Variants in PARD3B observed in about 807,000 individuals in gnomAD.
The protein encoded by PARD3B is par-3 family cell polarity regulator beta, also known as partitioning defective 3 homolog B.
A neutral mutation model predicts 130.2 loss-of-function variants in PARD3B; 103 were observed. The ratio of observed to expected loss-of-function variants is 0.79; its 90% confidence interval spans 0.67 to 0.93. The LOEUF is 0.93. PARD3B is among the 40% of genes least tolerant of loss of function. The pLI is 0.00. For missense variants in PARD3B, 1,609 were observed against 1,499.2 expected, an observed-to-expected ratio of 1.07 and a Z score of -1.21; for synonymous variants, 583 against 553.2, an observed-to-expected ratio of 1.05 and a Z score of -0.76.
chr2:204,863,876 A>G (rs967946289), intron 2 of PARD3B, among the ~76,000 whole-genome samples: 2 of 152,312 alleles, frequency 1.3e-5, no homozygotes, highest in Middle Eastern at 3.4e-3. Flanking sequence ...GAACACATCT[A>G]CAAGAGCAAG....
At chr2:205,180,917 A>G (rs1188399879) in intron 13 of PARD3B, among the ~76,000 whole-genome samples, 3 of 152,138 alleles carry the variant, frequency 2.0e-5, no homozygotes, top group East Asian at 1.9e-4. Context: ...TTGAATGGTA[A>G]TGAAATGCAC....
intron 2 of PARD3B, among the ~76,000 whole-genome samples, chr2:204,886,217 T>C (rs968017334): frequency 6.6e-6 from 1 of 152,220 alleles, no homozygotes; most frequent in African/African-American, 2.4e-5. Context: ...ATCTACCGAA[T>C]GGGATATGAG....
At chr2:204,792,259 A>C (rs2042227126) in intron 2 of PARD3B, among the ~76,000 whole-genome samples, 1 of 152,176 alleles carries the variant, frequency 6.6e-6, no homozygotes, top group Non-Finnish European at 1.5e-5. Flanking sequence ...TTATGGGTAA[A>C]AGCACAAATA....
intron 10 of PARD3B, among the ~76,000 whole-genome samples, chr2:205,155,825 T>G (rs891691510): frequency 6.6e-6 from 1 of 152,210 alleles, no homozygotes; most frequent in Non-Finnish European, 1.5e-5. Context: ...TCATGTGTTT[T>G]TTGGCTGCAT....
In PARD3B at chr2:205,187,017, G is replaced by A. The variant is rs369573322; in HGVS notation, c.2024+1154G>A. ...CAGATATAAACCCTGTCTTCAGGAA[G>A]CTGGTAGGCTGACAGGTAGGCTCAT... On this transcript the variant is annotated intron_variant, in intron 14 of 22. Transcript: ENST00000406610. The surrounding 1 kb of genome is among the most constrained non-coding windows in gnomAD (Gnocchi z 4.9). Among the ~76,000 whole-genome samples the A allele has an allele frequency of 1.3e-5, 2 of 152,156 alleles. No homozygotes were observed. Among genetic ancestry groups the A allele is most frequent in the South Asian group, 2.1e-4 (1 of 4,828 alleles).
At chr2:205,141,918 G>A (rs751655695) in intron 10 of PARD3B, among the ~76,000 whole-genome samples, 6 of 152,066 alleles carry the variant, frequency 3.9e-5, no homozygotes, top group East Asian at 1.9e-4. Flanking sequence ...GAGCTACAAC[G>A]GAAGAAATAA....
intron 4 of PARD3B, among the ~76,000 whole-genome samples, chr2:205,071,967 C>G (rs550637396): frequency 2.0e-5 from 3 of 146,714 alleles, no homozygotes; most frequent in African/African-American, 7.4e-5. Context: ...TTGTGTGACT[C>G]ATGTTTTCTG....
intron 16 of PARD3B, among the ~76,000 whole-genome samples, chr2:205,272,501 C>T (rs2040769332): frequency 6.6e-6 from 1 of 152,232 alleles, no homozygotes; most frequent in African/African-American, 2.4e-5. Context: ...ATGTGTTTGA[C>T]TGCAAATAAC....
chr2:205,605,121 G>C (rs769202286), intron 22 of PARD3B, among the ~76,000 whole-genome samples: 6 of 152,212 alleles, frequency 3.9e-5, no homozygotes, highest in Non-Finnish European at 5.9e-5. Context: ...TTTTTATCAT[G>C]GTTCTTAGCT....
intron 20 of PARD3B, among the ~76,000 whole-genome samples, chr2:205,485,756 G>A (rs2049414677): frequency 6.6e-6 from 1 of 152,126 alleles, no homozygotes; most frequent in Non-Finnish European, 1.5e-5. Flanking sequence ...GTGCCTGACT[G>A]TGTGCCCTTT....
chr2:204,748,403 G>A (rs1200455850), intron 2 of PARD3B, among the ~76,000 whole-genome samples: 1 of 152,136 alleles, frequency 6.6e-6, no homozygotes, highest in African/African-American at 2.4e-5. Flanking sequence ...AGATGTCCTA[G>A]TGTAATGTCC....
chr2:204,766,006 T>A (rs922089506), intron 2 of PARD3B, among the ~76,000 whole-genome samples: 1 of 152,218 alleles, frequency 6.6e-6, no homozygotes, highest in African/African-American at 2.4e-5. Context: ...CAAATTAATT[T>A]TAAAATTTTA....
At chr2:205,212,164 A>G (rs981598468) in intron 15 of PARD3B, among the ~76,000 whole-genome samples, 12 of 150,312 alleles carry the variant, frequency 8.0e-5, no homozygotes, top group African/African-American at 2.9e-4. Context: ...TGAAGAATAT[A>G]TTTGTTAATA....
intron 15 of PARD3B, among the ~76,000 whole-genome samples, chr2:205,198,332 G>A (rs955159442): frequency 6.6e-6 from 1 of 152,160 alleles, no homozygotes; most frequent in Non-Finnish European, 1.5e-5. Flanking sequence ...GCATTCAGAC[G>A]AAATTTTAGG....
chr2:205,061,904 T>TGGA (rs1700086126), intron 4 of PARD3B, among the ~76,000 whole-genome samples: 1 of 152,028 alleles, frequency 6.6e-6, no homozygotes. Flanking sequence ...TTGTCTTCCT[T>TGGA]ATAATTATTT....
chr2:204,933,078 G>T (rs1391814557), intron 2 of PARD3B, among the ~76,000 whole-genome samples: 1 of 152,170 alleles, frequency 6.6e-6, no homozygotes, highest in African/African-American at 2.4e-5. Flanking sequence ...TTGGTGTGAA[G>T]AACTGATTGC....
Position 204,943,190 on chromosome 2 carries a change from G to A in PARD3B, c.223-21962G>A, listed in dbSNP as rs868305691. ...TGTATGTGTATGCATATATATATAT[G>A]TGTGTGTATATATATATAATATGTT... is the stretch of plus-strand genomic sequence containing the variant. On this transcript the variant is annotated intron_variant, in intron 2 of 22. Transcript: ENST00000406610. The surrounding 1 kb of genome is among the most constrained non-coding windows in gnomAD (Gnocchi z 4.2). Among the ~76,000 whole-genome samples, 39 of 151,954 alleles carry A rather than the reference G, an allele frequency of 2.6e-4. No homozygotes were observed. Among genetic ancestry groups the A allele is most frequent in the African/African-American group, 9.4e-4 (39 of 41,474 alleles).
At chr2:205,438,601 T>C (rs1422615824) in intron 19 of PARD3B, among the ~76,000 whole-genome samples, 1 of 152,202 alleles carries the variant, frequency 6.6e-6, no homozygotes, top group Non-Finnish European at 1.5e-5. Flanking sequence ...TCTGGAAAGA[T>C]TGTTTTGTTG....
At chr2:205,401,198 A>T (rs1232606175) in intron 19 of PARD3B, 75 bp downstream of exon 19, 2 of 1,189,970 alleles carry the variant, frequency 1.7e-6, no homozygotes, top group Non-Finnish European at 2.4e-6. Flanking sequence ...GCAACAGTCA[A>T]CTGGAGAAAT....
Sources: allele counts gnomAD v4.1 joint callset (sites outside exome capture counted in the v4.1 genomes callset), GRCh38; gene constraint gnomAD v4.1.1; non-coding constraint Gnocchi (gnomAD v3.1); transcripts MANE v1.5; gene names NCBI Gene and HGNC (gene_info 2026-07-23, HGNC 2026-07-21).